The following PCSK6 variants were observed in gnomAD, a reference collection of about 807,000 sequenced individuals.
PCSK6 encodes the protein proprotein convertase subtilisin/kexin type 6, also known as paired basic amino acid cleaving enzyme 4.
A neutral mutation model predicts 123.3 loss-of-function variants in PCSK6; 85 were observed. That is an observed-to-expected ratio of 0.69 (90% CI 0.58 to 0.83). The LOEUF is 0.83. Among genes scored for constraint, PCSK6 ranks in the 40% least tolerant of loss-of-function variants. The pLI is 0.00. For synonymous variants in PCSK6, 508 were observed against 516.0 expected, an observed-to-expected ratio of 0.98 and a Z score of 0.21; for missense variants, 1,191 against 1,282.3, an observed-to-expected ratio of 0.93 and a Z score of 1.09.
At chr15:101,456,422 C>T (rs1265101347) in intron 1 of PCSK6, among the ~76,000 whole-genome samples, 2 of 152,236 alleles carry the variant, frequency 1.3e-5, no homozygotes, top group African/African-American at 4.8e-5. Context: ...TCTCAAGCCA[C>T]TGCAGGTCTC....
intron 13 of PCSK6, among the ~76,000 whole-genome samples, chr15:101,359,308 G>A (rs949888381): frequency 9.2e-5 from 14 of 152,200 alleles, no homozygotes; most frequent in South Asian, 2.1e-4. Flanking sequence ...TTCTGCACCC[G>A]TCTCAACCTT....
chr15:101,353,803 C>T (rs1487037773), intron 13 of PCSK6, among the ~76,000 whole-genome samples: 1 of 152,118 alleles, frequency 6.6e-6, no homozygotes, highest in African/African-American at 2.4e-5. Context: ...GTGAGGGTGG[C>T]CCTGAGCTTG....
chr15:101,433,191 G>C (rs976135926), intron 2 of PCSK6, among the ~76,000 whole-genome samples: 1 of 152,142 alleles, frequency 6.6e-6, no homozygotes, highest in African/African-American at 2.4e-5. Flanking sequence ...ATGGCCTCAG[G>C]GTGGTGTCCA....
chr15:101,401,395 A>G (rs1414779949), intron 6 of PCSK6, among the ~76,000 whole-genome samples: 1 of 152,208 alleles, frequency 6.6e-6, no homozygotes, highest in African/African-American at 2.4e-5. Flanking sequence ...TTCCTACCTC[A>G]GCGAGCTGGC....
intron 10 of PCSK6, 46 bp downstream of exon 10, chr15:101,384,276 A>G: frequency 1.3e-6 from 2 of 1,598,830 alleles, no homozygotes; most frequent in African/African-American, 1.3e-5. Context: ...CCCTTCCTAC[A>G]CATTCCAGGG....
At chr15:101,357,920 C>T (rs2141428151) in intron 13 of PCSK6, among the ~76,000 whole-genome samples, 1 of 152,338 alleles carries the variant, frequency 6.6e-6, no homozygotes, top group Non-Finnish European at 1.5e-5. Context: ...AGAGCATCCT[C>T]CCAGAGGCAG....
At chr15:101,382,860 T>G (rs770495634) in intron 10 of PCSK6, among the ~76,000 whole-genome samples, 23 of 152,258 alleles carry the variant, frequency 1.5e-4, no homozygotes, top group Non-Finnish European at 2.6e-4. Context: ...GTGGGTCAGC[T>G]CTTGTTACAG....
In PCSK6 at chr15:101,431,392, T is replaced by C. The variant is rs781092266; in HGVS notation, c.585A>G (p.Thr195=). 11 of 1,614,028 alleles carry C rather than the reference T, an allele frequency of 6.8e-6. No homozygotes were observed. The highest frequency in any genetic ancestry group is 9.3e-6 in the Non-Finnish European group (11 of 1,179,892). ...GGATGGTGACCACCACGTTTTTTCC[T>C]GTGTAGCCCCTCTTCCACGCTGCCT... ...NVQAAWKRGY[T]GKNVVVTILD... is the part of the protein sequence containing the mutation. The change falls in exon 4 of 22, where the codon ACA becomes ACG. Residue 195 remains threonine (T), a synonymous_variant. Coordinates refer to ENST00000611716, the MANE Select transcript of PCSK6 (RefSeq NM_002570.5).
At chr15:101,460,562 A>G (rs2057318323) in intron 1 of PCSK6, among the ~76,000 whole-genome samples, 1 of 152,214 alleles carries the variant, frequency 6.6e-6, no homozygotes, top group South Asian at 2.1e-4. Context: ...AATCCAGCAG[A>G]CTTAGAACTC....
At chr15:101,346,724 TG>T (rs1253807808) in intron 13 of PCSK6, 2 of 1,219,012 alleles carry the variant, frequency 1.6e-6, no homozygotes, top group African/African-American at 3.1e-5. Flanking sequence ...TCCTCAGATC[TG>T]TCATTTTCAT....
At chr15:101,449,616 T>A (rs903159296) in intron 1 of PCSK6, among the ~76,000 whole-genome samples, 1 of 152,140 alleles carries the variant, frequency 6.6e-6, no homozygotes, top group Non-Finnish European at 1.5e-5. Context: ...CCTTCGTACA[T>A]GTCAGCTTCA....
chr15:101,335,301 A>T (rs2040455449), intron 13 of PCSK6, among the ~76,000 whole-genome samples: 1 of 152,244 alleles, frequency 6.6e-6, no homozygotes, highest in Admixed American at 6.5e-5. Flanking sequence ...TTACCTGTTC[A>T]TATATAAACA....
At chr15:101,456,266 CA>C (rs2057176707) in intron 1 of PCSK6, among the ~76,000 whole-genome samples, 1 of 145,254 alleles carries the variant, frequency 6.9e-6, no homozygotes, top group Non-Finnish European at 1.5e-5. Context: ...AGCAGCTTAT[CA>C]ACAGGGACTT....
In PCSK6 at chr15:101,478,253, G is replaced by A. The variant is rs185169934; in HGVS notation, c.297+11121C>T. On this transcript the variant is annotated intron_variant, in intron 1 of 21. Coordinates refer to ENST00000611716, the MANE Select transcript of PCSK6 (RefSeq NM_002570.5). ...ATCTGTGTAATGGGATTAATAGTAC[G>A]GTTCTGGGGGCAATCATCAGCAGTG... Among the ~76,000 whole-genome samples, 16 of 152,242 alleles carry A rather than the reference G, an allele frequency of 1.1e-4. No homozygotes were observed. In the East Asian group the frequency reaches 1.7e-3, roughly 17 times the overall value.
At chr15:101,308,823 C>A (rs1317689675) in intron 20 of PCSK6, 1 of 152,314 alleles carries the variant, frequency 6.6e-6, no homozygotes, top group Non-Finnish European at 1.5e-5. Flanking sequence ...TCCCCACAGA[C>A]CCTCTGGTTT....
chr15:101,327,871 G>C (rs2040293368), intron 15 of PCSK6, among the ~76,000 whole-genome samples: 1 of 152,142 alleles, frequency 6.6e-6, no homozygotes, highest in African/African-American at 2.4e-5. Context: ...TTTCAGAGCT[G>C]TGTGTATCCA....
At chr15:101,478,311 G>T (rs950766836) in intron 1 of PCSK6, among the ~76,000 whole-genome samples, 1 of 152,146 alleles carries the variant, frequency 6.6e-6, no homozygotes, top group Non-Finnish European at 1.5e-5. Flanking sequence ...CATAGGAGTG[G>T]CTGGCGGCAG....
chr15:101,424,982 G>C (rs1223173222), intron 6 of PCSK6, among the ~76,000 whole-genome samples: 5 of 152,194 alleles, frequency 3.3e-5, no homozygotes, highest in African/African-American at 1.2e-4. Flanking sequence ...CATGTCTTTG[G>C]AGGGAACCAA....
rs867247755 is a variant in PCSK6 at position 101,432,082 on chromosome 15, G to C, written c.421C>G (p.Gln141Glu). The C allele has an allele frequency of 1.2e-6, 2 of 1,613,352 alleles. No individual in the cohort carries two copies. The highest frequency in any genetic ancestry group is 2.2e-5 in the East Asian group (1 of 44,888). The part of the protein sequence containing the change: ...MDPQVKWLQQ[Q>E]EVKRRVKRQV... ...CTCTTCACCCTTCGTTTCACTTCCT[G>C]TTGCTGGAGCCATTTCACCTACCAG... Residue 141 changes from glutamine (Q) to glutamate (E), a missense_variant, in exon 3 of 22, where the codon CAG (glutamine) becomes GAG (glutamate). Gln to Glu is a conservative substitution (Grantham distance 29). Coordinates refer to ENST00000611716, the MANE Select transcript of PCSK6 (RefSeq NM_002570.5).
Sources: allele counts gnomAD v4.1 joint callset (sites outside exome capture counted in the v4.1 genomes callset), GRCh38; gene constraint gnomAD v4.1.1; transcripts MANE v1.5; gene names NCBI Gene and HGNC (gene_info 2026-07-23, HGNC 2026-07-21).